The following KCNQ3 variants were observed in gnomAD, a reference collection of about 807,000 sequenced individuals.
The protein encoded by KCNQ3 is potassium voltage-gated channel subfamily KQT member 3.
Under a neutral mutation model 92.5 loss-of-function variants are expected in KCNQ3, and 30 were observed. The observed-to-expected ratio is 0.32, with a 90% confidence interval of 0.24 to 0.44. The LOEUF (loss-of-function observed/expected upper bound fraction) is 0.44, where lower values mean the gene tolerates loss of function less well. Ranked by LOEUF, KCNQ3 falls within the 20% of genes least tolerant of loss-of-function variation. The probability of loss-of-function intolerance (pLI) is 1.00; values close to 1 mark genes in which losing one functional copy is unlikely to be tolerated. For synonymous variants in KCNQ3, 450 were observed against 468.8 expected (o/e 0.96, Z 0.52); for missense variants, 913 against 1,140.3 (o/e 0.80, Z 2.87).
intron 1 of KCNQ3, among the ~76,000 whole-genome samples, chr8:132,235,662 C>G (rs545755734): frequency 1.3e-5 from 2 of 152,212 alleles, no homozygotes; most frequent in Non-Finnish European, 2.9e-5. Context: ...CTCTCCTTCA[C>G]TCAGTCGGTG....
chr8:132,424,132 C>T (rs973194028), intron 1 of KCNQ3, among the ~76,000 whole-genome samples: 12 of 151,880 alleles, frequency 7.9e-5, no homozygotes, highest in South Asian at 2.1e-4. Flanking sequence ...CCCCTCCCCC[C>T]GCCACATAGC....
At chr8:132,374,793 C>T (rs556262603) in intron 1 of KCNQ3, among the ~76,000 whole-genome samples, 3 of 152,132 alleles carry the variant, frequency 2.0e-5, no homozygotes, top group Admixed American at 6.6e-5. Context: ...TTTTCTGTTC[C>T]TGGGTTAGTT....
intron 1 of KCNQ3, among the ~76,000 whole-genome samples, chr8:132,431,190 C>T (rs984089585): frequency 1.3e-5 from 2 of 152,136 alleles, no homozygotes; most frequent in Admixed American, 6.5e-5. Context: ...ACCCATGTTC[C>T]CTACTCTCCC....
chr8:132,429,116 C>A (rs1563908685), intron 1 of KCNQ3, among the ~76,000 whole-genome samples: 3 of 152,220 alleles, frequency 2.0e-5, no homozygotes, highest in East Asian at 1.9e-4. Context: ...CCTTCCCCAG[C>A]ATTCATGTTT....
In KCNQ3 at chr8:132,328,324, A is replaced by T. The variant is rs1818120742; in HGVS notation, c.387-142143T>A. Among the ~76,000 whole-genome samples, 3 of 152,122 alleles carry T rather than the reference A, an allele frequency of 2.0e-5. No homozygotes were observed. In the South Asian group the frequency reaches 6.2e-4, roughly 32 times the overall value. On this transcript the variant is annotated intron_variant, in intron 1 of 14. Coordinates refer to ENST00000388996, the MANE Select transcript of KCNQ3 (RefSeq NM_004519.4). ...CCCCAGTGTCATAGTCATGCTGCCTAAGAGTGGGGATAGAGGGGCAAATCG... is the reference window on the plus strand; with the variant it reads ...CCCCAGTGTCATAGTCATGCTGCCTTAGAGTGGGGATAGAGGGGCAAATCG...
At chr8:132,155,001 T>C (rs897866337) in intron 9 of KCNQ3, among the ~76,000 whole-genome samples, 1 of 152,342 alleles carries the variant, frequency 6.6e-6, no homozygotes, top group East Asian at 1.9e-4. Context: ...GTAAATCTAC[T>C]TAGCCCTTGA....
chr8:132,234,119 A>G (rs1026698667), intron 1 of KCNQ3, among the ~76,000 whole-genome samples: 5 of 152,148 alleles, frequency 3.3e-5, no homozygotes, highest in African/African-American at 7.2e-5. Flanking sequence ...TTTTTTTGCA[A>G]TCGAGCCTAC....
intron 1 of KCNQ3, among the ~76,000 whole-genome samples, chr8:132,462,873 G>T (rs897789927): frequency 6.6e-6 from 1 of 152,128 alleles, no homozygotes; most frequent in Non-Finnish European, 1.5e-5. Flanking sequence ...CAAAATGGAA[G>T]AGTATTCTCC....
At chr8:132,348,162 C>T (rs910691838) in intron 1 of KCNQ3, among the ~76,000 whole-genome samples, 5 of 151,864 alleles carry the variant, frequency 3.3e-5, no homozygotes, top group Non-Finnish European at 5.9e-5. Flanking sequence ...CAAGTTAACT[C>T]TAAGTCCCAC....
chr8:132,238,884 G>T (rs1451575834), intron 1 of KCNQ3, among the ~76,000 whole-genome samples: 1 of 152,166 alleles, frequency 6.6e-6, no homozygotes, highest in Non-Finnish European at 1.5e-5. Context: ...GAATGAGGGA[G>T]AGAAGAAAAA....
intron 9 of KCNQ3, among the ~76,000 whole-genome samples, chr8:132,145,659 T>C (rs117237831): frequency 0.057 from 8,756 of 152,324 alleles, 375 homozygotes; most frequent in South Asian, 0.12. Flanking sequence ...AATGAACTTA[T>C]GATAAAGTCA....
intron 1 of KCNQ3, among the ~76,000 whole-genome samples, chr8:132,370,648 T>C (rs139567132): frequency 7.6e-4 from 115 of 152,244 alleles, no homozygotes; most frequent in African/African-American, 2.6e-3. Flanking sequence ...ACACAGTTGG[T>C]GTAGGTGGGA....
intron 1 of KCNQ3, among the ~76,000 whole-genome samples, chr8:132,358,603 C>T (rs891353134): frequency 6.6e-6 from 1 of 152,126 alleles, no homozygotes; most frequent in Non-Finnish European, 1.5e-5. Flanking sequence ...TATCCCAGAG[C>T]TCTCCAAAGG....
chr8:132,471,077 T>G (rs72723116), intron 1 of KCNQ3, among the ~76,000 whole-genome samples: 1 of 152,134 alleles, frequency 6.6e-6, no homozygotes, highest in Non-Finnish European at 1.5e-5. Flanking sequence ...GTTTGGGTGA[T>G]TTACATGCAT....
At chr8:132,240,210 G>C (rs897819226) in intron 1 of KCNQ3, among the ~76,000 whole-genome samples, 3 of 145,226 alleles carry the variant, frequency 2.1e-5, no homozygotes, top group African/African-American at 7.6e-5. Context: ...TTTTGAGACG[G>C]AGTTTTGCTC....
intron 3 of KCNQ3, 67 bp from the exon 4 acceptor site, chr8:132,180,396 C>G: frequency 6.4e-7 from 1 of 1,562,166 alleles, no homozygotes; most frequent in East Asian, 2.2e-5. Context: ...GCAATGGCGT[C>G]ATCATAGGTG....
chr8:132,297,759 T>C (rs1817090614), intron 1 of KCNQ3, among the ~76,000 whole-genome samples: 1 of 152,244 alleles, frequency 6.6e-6, no homozygotes, highest in Non-Finnish European at 1.5e-5. Flanking sequence ...GAAGGCTACA[T>C]GGCCAACTCT....
At position 132,133,228 on chromosome 8, in the gene KCNQ3, T is replaced by C. The variant is rs962493513; in HGVS notation, c.1800-964A>G. On this transcript the variant is annotated intron_variant, in intron 13 of 14. Coordinates refer to ENST00000388996, the MANE Select transcript of KCNQ3 (RefSeq NM_004519.4). ...AGAAGGTAGAGACTTCATTCCTACCTCTTTTAGATGGGGCACGCATTCTCC... is the reference window on the plus strand; with the variant it reads ...AGAAGGTAGAGACTTCATTCCTACCCCTTTTAGATGGGGCACGCATTCTCC... Among the ~76,000 whole-genome samples, 6 of 152,296 alleles carry C rather than the reference T, an allele frequency of 3.9e-5. No homozygotes were observed. The East Asian group carries it at 1.2e-3, about 29-fold the overall frequency.
intron 1 of KCNQ3, among the ~76,000 whole-genome samples, chr8:132,449,344 G>A (rs1003682207): frequency 6.6e-6 from 1 of 151,932 alleles, no homozygotes; most frequent in Non-Finnish European, 1.5e-5. Flanking sequence ...GTGGCCACAG[G>A]ATCGGATTAC....
Sources: gnomAD v4.1 joint callset for allele counts (sites outside exome capture counted in the v4.1 genomes callset) on GRCh38, gnomAD v4.1.1 for gene constraint, MANE v1.5 for transcripts, NCBI Gene and HGNC (gene_info 2026-07-23, HGNC 2026-07-21) for gene names.